The following CHLSN variants were observed in gnomAD, a reference collection of about 807,000 sequenced individuals.
CHLSN encodes the protein protein cholesin.
At chr7:1,008,843 GCA>G in the CHLSN span, among the ~76,000 whole-genome samples, 4 of 84,334 alleles carry the variant, frequency 4.7e-5, no homozygotes, top group Admixed American at 3.5e-4. Context: ...GTATACACAC[GCA>G]CACACGTAAA....
chr7:986,917 G>A, the CHLSN span: 1 of 1,338,616 alleles, frequency 7.5e-7, no homozygotes, highest in Non-Finnish European at 9.9e-7. Flanking sequence ...CTCCTGGCTG[G>A]GGGCCTCTCA....
the CHLSN span, among the ~76,000 whole-genome samples, chr7:1,014,868 C>T: frequency 1.3e-5 from 2 of 152,256 alleles, no homozygotes; most frequent in Non-Finnish European, 2.9e-5. Flanking sequence ...CTCTCAGATC[C>T]GAGCACCAAT....
the CHLSN span, among the ~76,000 whole-genome samples, chr7:1,036,288 G>T: frequency 1.3e-5 from 2 of 151,882 alleles, no homozygotes; most frequent in African/African-American, 4.8e-5. Flanking sequence ...GGCCATGTAG[G>T]GTTCGGGTGC....
At chr7:1,138,011 ACCGGC>A in the CHLSN span, 1 of 149,874 alleles carries the variant, frequency 6.7e-6, no homozygotes, top group Admixed American at 6.6e-5. Flanking sequence ...CACCGGCCGC[ACCGGC>A]CGCACCAGCC....
the CHLSN span, among the ~76,000 whole-genome samples, chr7:994,459 T>C: frequency 2.6e-5 from 4 of 151,930 alleles, no homozygotes; most frequent in African/African-American, 9.7e-5. Context: ...CTAAATTTAG[T>C]GCTCACCGCA....
At chr7:1,058,773 A>C in the CHLSN span, 1 of 504,530 alleles carries the variant, frequency 2.0e-6, no homozygotes, top group East Asian at 3.3e-5. Context: ...ACATCCGCAA[A>C]AGCCTCCTCG....
chr7:1,095,933 A>G, the CHLSN span, among the ~76,000 whole-genome samples: 1 of 152,224 alleles, frequency 6.6e-6, no homozygotes, highest in African/African-American at 2.4e-5. Flanking sequence ...CTGTGCGGGA[A>G]GTGCAGGGAC....
the CHLSN span, among the ~76,000 whole-genome samples, chr7:1,063,920 C>A: frequency 6.6e-6 from 1 of 152,176 alleles, no homozygotes; most frequent in Admixed American, 6.5e-5. Context: ...GAAGTCAGAG[C>A]TCCGCAAGTC....
At chr7:1,054,482 C>T in the CHLSN span, among the ~76,000 whole-genome samples, 1 of 152,210 alleles carries the variant, frequency 6.6e-6, no homozygotes, top group Non-Finnish European at 1.5e-5. Context: ...AGCACGCACT[C>T]GAGAGCCGGT....
the CHLSN span, chr7:1,023,124 C>A: frequency 2.6e-6 from 1 of 392,032 alleles, no homozygotes; most frequent in Non-Finnish European, 5.2e-6. The surrounding 1 kb of genome is among the most constrained non-coding windows in gnomAD (Gnocchi z 5.0). Flanking sequence ...CCTGTGGCCC[C>A]TTCTCAGAAG....
the CHLSN span, among the ~76,000 whole-genome samples, chr7:1,011,039 C>G: frequency 1.3e-5 from 2 of 151,522 alleles, no homozygotes; most frequent in Admixed American, 6.6e-5. Context: ...GGCAAGCCCC[C>G]CTACATACAG....
chr7:1,020,789 T>C, the CHLSN span, among the ~76,000 whole-genome samples: 3 of 152,224 alleles, frequency 2.0e-5, no homozygotes, highest in Non-Finnish European at 4.4e-5. Context: ...GCCTTGGATG[T>C]CCTGCTCCTC....
At chr7:1,015,509 G>A in the CHLSN span, among the ~76,000 whole-genome samples, 1 of 152,270 alleles carries the variant, frequency 6.6e-6, no homozygotes, top group African/African-American at 2.4e-5. Flanking sequence ...AAAGTCATCT[G>A]TTCCAGCCAG....
the CHLSN span, chr7:1,059,009 C>G: frequency 1.1e-5 from 2 of 182,538 alleles, no homozygotes; most frequent in Admixed American, 1.1e-4. Context: ...CAAGGCCTGC[C>G]GGGTGTGCCG....
chr7:1,103,253 T>C, the CHLSN span, among the ~76,000 whole-genome samples: 1 of 152,212 alleles, frequency 6.6e-6, no homozygotes, highest in Admixed American at 6.5e-5. Context: ...CAAGTGTGCA[T>C]GCTGGGCAAG....
At chr7:1,136,359 C>T in the CHLSN span, among the ~76,000 whole-genome samples, 2 of 29,346 alleles carry the variant, frequency 6.8e-5, no homozygotes, top group African/African-American at 1.8e-4. Flanking sequence ...TATATATAAA[C>T]ATATATATAA....
At chr7:1,031,306 T>G in the CHLSN span, among the ~76,000 whole-genome samples, 35 of 151,810 alleles carry the variant, frequency 2.3e-4, no homozygotes, top group Middle Eastern at 3.2e-3. Flanking sequence ...TTTAAAATGG[T>G]TGGGGGAGGA....
At chr7:992,188 AC>A in the CHLSN span, among the ~76,000 whole-genome samples, 9,414 of 150,102 alleles carry the variant, frequency 0.063, 368 homozygotes, top group South Asian at 0.12. Context: ...CGGCCCCTGT[AC>A]CCCCCCGCCT....
chr7:1,017,026 C>A, the CHLSN span, among the ~76,000 whole-genome samples: 9 of 149,330 alleles, frequency 6.0e-5, no homozygotes, highest in African/African-American at 2.3e-4. Context: ...ACAGCAGCGC[C>A]CACCCACGCA....
Sources: allele counts gnomAD v4.1 joint callset (sites outside exome capture counted in the v4.1 genomes callset), GRCh38; gene constraint gnomAD v4.1.1; non-coding constraint Gnocchi (gnomAD v3.1); transcripts MANE v1.5; gene names NCBI Gene and HGNC (gene_info 2026-07-23, HGNC 2026-07-21).